CTTN: variants seen among roughly 807,000 people sequenced by gnomAD.
The protein encoded by CTTN is src substrate cortactin.
In CTTN, 28 loss-of-function variants were observed where a neutral mutation model predicts 84.0. That is an observed-to-expected ratio of 0.33 (90% CI 0.25 to 0.46). The LOEUF (loss-of-function observed/expected upper bound fraction) is 0.46, where lower values mean the gene tolerates loss of function less well. CTTN is among the 20% of genes least tolerant of loss of function. The pLI, the probability that CTTN is intolerant of heterozygous loss-of-function variation, is 1.00. For missense variants in CTTN, 641 were observed against 723.8 expected (o/e 0.89, Z 1.31); for synonymous variants, 301 against 288.8 (o/e 1.04, Z -0.43).
At chr11:70,422,339 G>A in intron 11 of CTTN, 1 of 408,270 alleles carries the variant, frequency 2.4e-6, no homozygotes, top group African/African-American at 2.1e-5. Flanking sequence ...GTTCAGGTGT[G>A]GGCAGGTAGA....
At chr11:70,415,611 G>T in intron 6 of CTTN, 52 bp from the exon 7 acceptor site, 1 of 1,436,082 alleles carries the variant, frequency 7.0e-7, no homozygotes, top group South Asian at 1.1e-5. Context: ...TTGTTTCAGG[G>T]ACATTGGAAA....
chr11:70,406,536 A>G (rs1318031599), intron 2 of CTTN, among the ~76,000 whole-genome samples: 1 of 151,482 alleles, frequency 6.6e-6, no homozygotes, highest in Non-Finnish European at 1.5e-5. Flanking sequence ...AAAAAAAAAA[A>G]CCTTAAAATT....
intron 8 of CTTN, among the ~76,000 whole-genome samples, 188 bp downstream of exon 8, chr11:70,417,311 A>G (rs1221107049): frequency 6.6e-6 from 1 of 152,170 alleles, no homozygotes; most frequent in East Asian, 1.9e-4. Flanking sequence ...TGAGGATTCC[A>G]TAGTCCATGT....
At position 70,434,908 on chromosome 11, in the gene CTTN, C is replaced by A. The variant is rs1028335110; in HGVS notation, c.1517-118C>A. On this transcript the variant is annotated intron_variant, in intron 17 of 17. Transcript: ENST00000301843. ...CAGGAGCCTCCGCGGTGGTCCGCAT[C>A]TCTGCAGGGGGCATCTCTGAGCAGG... 4.6e-6 allele frequency: 5 copies of A among 1,095,364 alleles called. No homozygotes were observed. The African/African-American group carries it at 6.1e-5, about 13-fold the overall frequency. The allele number at this position is 1,095,364 out of a possible 1,614,324, so 67.9% of individuals were successfully genotyped here. A position where few individuals can be genotyped will look rare whatever the true frequency, so the allele number is the denominator to read the frequency against.
intron 17 of CTTN, among the ~76,000 whole-genome samples, chr11:70,434,459 G>A (rs957457147): frequency 3.3e-5 from 5 of 152,280 alleles, no homozygotes; most frequent in East Asian, 1.9e-4. Context: ...TTCCATCAGC[G>A]CGGAAGCTGG....
At chr11:70,428,207 C>T (rs554280470) in intron 13 of CTTN, among the ~76,000 whole-genome samples, 9 of 125,708 alleles carry the variant, frequency 7.2e-5, no homozygotes, top group Admixed American at 6.3e-4. Context: ...CGCTCTGTCG[C>T]GAGACTGGAG....
intron 15 of CTTN, among the ~76,000 whole-genome samples, chr11:70,432,223 G>A (rs967647310): frequency 2.0e-5 from 3 of 152,160 alleles, no homozygotes; most frequent in Admixed American, 2.0e-4. Flanking sequence ...TCAGGAACCG[G>A]CCTCCCCCTC....
chr11:70,420,734 A>G (rs2058224647), intron 10 of CTTN, among the ~76,000 whole-genome samples: 1 of 152,132 alleles, frequency 6.6e-6, no homozygotes, highest in South Asian at 2.1e-4. Context: ...AGCTGGGTTT[A>G]CCTGGAAGTG....
chr11:70,427,760 T>C (rs2058315460), intron 13 of CTTN, among the ~76,000 whole-genome samples: 1 of 152,266 alleles, frequency 6.6e-6, no homozygotes, highest in Non-Finnish European at 1.5e-5. Flanking sequence ...TGGACACTTC[T>C]CATTCCACAA....
intron 5 of CTTN, among the ~76,000 whole-genome samples, chr11:70,413,340 G>A (rs2058117061): frequency 6.6e-6 from 1 of 152,228 alleles, no homozygotes; most frequent in Non-Finnish European, 1.5e-5. Context: ...CACTGTCTGT[G>A]AAGGAGTCCT....
intron 2 of CTTN, among the ~76,000 whole-genome samples, chr11:70,406,229 T>C (rs948629087): frequency 2.0e-5 from 3 of 152,198 alleles, no homozygotes; most frequent in African/African-American, 7.2e-5. Flanking sequence ...GCTGCCCTGA[T>C]TGGTCCCTCA....
At chr11:70,406,847 A>T (rs1181358178) in intron 2 of CTTN, among the ~76,000 whole-genome samples, 1 of 152,252 alleles carries the variant, frequency 6.6e-6, no homozygotes, top group Non-Finnish European at 1.5e-5. Flanking sequence ...TGCACTTTTT[A>T]AAAATGTGTG....
chr11:70,411,382 G>T (rs561063337), intron 5 of CTTN, among the ~76,000 whole-genome samples: 15 of 138,308 alleles, frequency 1.1e-4, no homozygotes, highest in African/African-American at 4.0e-4. Flanking sequence ...AGCGAGCGAA[G>T]CGTGTGCACA....
intron 15 of CTTN, among the ~76,000 whole-genome samples, chr11:70,432,112 C>T (rs1400863136): frequency 6.6e-6 from 1 of 152,174 alleles, no homozygotes; most frequent in Non-Finnish European, 1.5e-5. Flanking sequence ...ATGGCCGTGG[C>T]CTTGTCACCA....
At chr11:70,416,009 C>T (rs2058154588) in intron 7 of CTTN, 2 of 387,312 alleles carry the variant, frequency 5.2e-6, no homozygotes, top group South Asian at 3.9e-5. Flanking sequence ...CGGAAGCCGC[C>T]TTCCCTTCAT....
rs1381816434 is a variant in CTTN, at chr11:70,435,716, T to C, written c.*554T>C. On this transcript the variant is annotated 3_prime_UTR_variant, in exon 18 of 18. Coordinates refer to ENST00000301843, the MANE Select transcript of CTTN (RefSeq NM_005231.4). The stretch of plus-strand genomic sequence containing the variant: ...CCATGTCAGATGGGAAATCTGCCTA[T>C]GTCATACCGTGACAGCCCGCAGGAT... 6.3e-7 allele frequency: 1 copy of C among 1,598,034 alleles called. No individual in the cohort carries two copies.
chr11:70,435,922 G>C lies in CTTN; in HGVS notation c.*760G>C. On this transcript the variant is annotated 3_prime_UTR_variant, in exon 18 of 18. Coordinates refer to ENST00000301843, the MANE Select transcript of CTTN (RefSeq NM_005231.4). ...CCTGCCCCGCGGGTCTCTGGATTGG[G>C]ACGCACAGTGCAGTTGAGGTCTGCG... The C allele has an allele frequency of 6.8e-7, 1 of 1,461,182 alleles. No homozygotes were observed. Among genetic ancestry groups the C allele is most frequent in the South Asian group, 1.4e-5 (1 of 70,114 alleles). The allele number at this position is 1,461,182 out of a possible 1,614,324, so 90.5% of individuals were successfully genotyped here. A position where few individuals can be genotyped will look rare whatever the true frequency, so the allele number is the denominator to read the frequency against.
Position 70,419,726 on chromosome 11 carries a change from C to G in CTTN, c.569-20C>G, listed in dbSNP as rs775124802. On this transcript the variant is annotated intron_variant, in intron 8 of 17. Transcript: ENST00000301843. Reference sequence around the variant, plus strand: ...ATTTCGTTGCTCCTTTTAAAGTAGTCCTTTTTTGTTTGTTTTTAGATTACT... The same window carrying G: ...ATTTCGTTGCTCCTTTTAAAGTAGTGCTTTTTTGTTTGTTTTTAGATTACT... The G allele has an allele frequency of 6.3e-7, 1 of 1,588,104 alleles. No homozygotes were observed. The highest frequency in any genetic ancestry group is 1.4e-5 in the African/African-American group (1 of 73,638).
chr11:70,415,272 T>C (rs984784570), intron 6 of CTTN, among the ~76,000 whole-genome samples: 9 of 152,248 alleles, frequency 5.9e-5, no homozygotes, highest in Non-Finnish European at 1.0e-4. Flanking sequence ...CCCATCGCAG[T>C]GCCTGGCTGG....
Sources: gnomAD v4.1 joint callset for allele counts (sites outside exome capture counted in the v4.1 genomes callset) on GRCh38, gnomAD v4.1.1 for gene constraint, MANE v1.5 for transcripts, NCBI Gene and HGNC (gene_info 2026-07-23, HGNC 2026-07-21) for gene names.